Variants in UTP20 observed in about 807,000 individuals in gnomAD.
UTP20 encodes the protein small subunit processome component 20 homolog.
In UTP20, 164 loss-of-function variants were observed where a neutral mutation model predicts 329.5. The observed-to-expected ratio is 0.50, with a 90% CI of 0.44 to 0.57. The LOEUF (loss-of-function observed/expected upper bound fraction) is 0.57. Ranked by LOEUF, UTP20 falls within the 20% of genes least tolerant of loss-of-function variation. The pLI is 0.00. For missense variants in UTP20, 3,055 were observed against 3,284.2 expected (o/e 0.93, Z 1.71); for synonymous variants, 1,151 against 1,159.3 (o/e 0.99, Z 0.14).
At chr12:101,287,119 T>C (rs1871985560) in intron 5 of UTP20, among the ~76,000 whole-genome samples, 1 of 152,228 alleles carries the variant, frequency 6.6e-6, no homozygotes, top group African/African-American at 2.4e-5. Context: ...GTTGTTTTCA[T>C]GTTCTATAAT....
At chr12:101,321,016 A>T in intron 24 of UTP20, 79 bp downstream of exon 24, 1 of 1,304,474 alleles carries the variant, frequency 7.7e-7, no homozygotes, top group Non-Finnish European at 1.0e-6. Context: ...CTTCTAGAAT[A>T]ATTTATTAAA....
intron 8 of UTP20, chr12:101,291,454 C>G: frequency 5.4e-6 from 1 of 184,430 alleles, no homozygotes; most frequent in Non-Finnish European, 1.1e-5. Context: ...GCAGGAGAAT[C>G]GCTTGAACCT....
At chr12:101,340,692 G>A (rs1349059219) in intron 32 of UTP20, 82 bp downstream of exon 32, 16 of 861,378 alleles carry the variant, frequency 1.9e-5, no homozygotes, top group Non-Finnish European at 1.9e-6. Flanking sequence ...AATTTTACTG[G>A]CTAGATTTTG....
chr12:101,384,281 C>T (rs941781738), intron 60 of UTP20, among the ~76,000 whole-genome samples: 1 of 152,194 alleles, frequency 6.6e-6, no homozygotes, highest in African/African-American at 2.4e-5. Context: ...GTGGCTCACG[C>T]CTGTAATCCC....
rs1365783804 is a variant in UTP20 at position 101,383,772 on chromosome 12, A to ATTTAT, written c.8056+107_8056+111dup. 3 of 663,416 alleles carry ATTTAT rather than the reference A, an allele frequency of 4.5e-6. No homozygotes were observed. The African/African-American group carries it at 5.8e-5, about 13-fold the overall frequency. 41.1% of individuals were successfully genotyped at this position (663,416 alleles called of 1,614,324 possible). A position where few individuals can be genotyped will look rare whatever the true frequency, so the allele number is the denominator to read the frequency against. On this transcript the variant is annotated intron_variant, in intron 60 of 61. Transcript: ENST00000261637. ...TTTCTGTCCTCCCTCCCTGCCTGAG[A>ATTTAT]TTTATTTTTATTTATATATATATTT... is the stretch of plus-strand genomic sequence containing the variant.
intron 60 of UTP20, among the ~76,000 whole-genome samples, 172 bp downstream of exon 60, chr12:101,383,841 TAC>T (rs375117313): frequency 2.9e-4 from 35 of 121,104 alleles, no homozygotes; most frequent in South Asian, 1.2e-3. Flanking sequence ...TTTATATATA[TAC>T]ACACACACAC....
chr12:101,362,077 C>A lies in UTP20; in HGVS notation c.5790+17C>A. The stretch of plus-strand genomic sequence containing the variant: ...ATGATTGAGGTAAGACTTACAGAAA[C>A]GAATTCTAATTTTTTTTTAAGTGGG... On this transcript the variant is annotated intron_variant, in intron 44 of 61. Transcript: ENST00000261637. 6.3e-7 allele frequency: 1 copy of A among 1,591,454 alleles called. No individual in the cohort carries two copies. Among genetic ancestry groups the A allele is most frequent in the South Asian group, 1.1e-5 (1 of 88,454 alleles).
At chr12:101,358,095 A>G (rs867334516) in intron 43 of UTP20, among the ~76,000 whole-genome samples, 1 of 152,328 alleles carries the variant, frequency 6.6e-6, no homozygotes, top group African/African-American at 2.4e-5. Flanking sequence ...TACTTTGTAC[A>G]TCCTAGTTTG....
chr12:101,315,123 G>A (rs2137255416), intron 21 of UTP20, among the ~76,000 whole-genome samples: 1 of 152,076 alleles, frequency 6.6e-6, no homozygotes, highest in South Asian at 2.1e-4. Context: ...ACTTAACTGT[G>A]TGTGTATGTG....
chr12:101,376,670 A>C (rs1870483409), intron 56 of UTP20, among the ~76,000 whole-genome samples: 1 of 152,038 alleles, frequency 6.6e-6, no homozygotes, highest in Admixed American at 6.6e-5. Context: ...GTTTTGAGAC[A>C]GTGTCTCGCT....
chr12:101,309,303 T>C (rs1158514708), intron 18 of UTP20, among the ~76,000 whole-genome samples: 2 of 152,224 alleles, frequency 1.3e-5, no homozygotes, highest in African/African-American at 4.8e-5. Context: ...ATGTTAGTAA[T>C]AATGACCCTT....
Position 101,324,076 on chromosome 12 carries a change from G to T in UTP20, c.3041+2447G>T, listed in dbSNP as rs149310695. On this transcript the variant is annotated intron_variant, in intron 25 of 61. Transcript: ENST00000261637. Reference sequence around the variant, plus strand: ...CACTTGAACCCGGGAGGTGGAGGTTGCAGTGAGCTGAGATCGCGCCACTGT... The same window carrying T: ...CACTTGAACCCGGGAGGTGGAGGTTTCAGTGAGCTGAGATCGCGCCACTGT... Among the ~76,000 whole-genome samples the T allele has an allele frequency of 9.7e-3, 1,473 of 152,072 alleles. 21 individuals carry two copies. The highest frequency in any genetic ancestry group is 0.08 in the East Asian group (408 of 5,132).
intron 8 of UTP20, 134 bp downstream of exon 8, chr12:101,291,022 A>G: frequency 2.1e-6 from 2 of 940,124 alleles, no homozygotes; most frequent in Non-Finnish European, 2.9e-6. Flanking sequence ...ACACATATTA[A>G]AATTTTCCTT....
In UTP20 at chr12:101,321,629, G is replaced by C. The variant is rs1282040426; in HGVS notation, c.3041G>C (p.Arg1014Thr). 1.2e-6 allele frequency: 2 copies of C among 1,612,578 alleles called. No homozygotes were observed. Among genetic ancestry groups the C allele is most frequent in the Non-Finnish European group, 8.5e-7 (1 of 1,179,298 alleles). ...GCAGATCTATTTCCTATTCTGATGA[G>C]GTATTTATGCTGTTCAAACACTGAT... ...HRADLFPILM[R>T]ILYGRMKNKT... Residue 1014 changes from arginine (R) to threonine (T), a missense_variant and splice_region_variant, in exon 25 of 62, where the codon AGA becomes ACA. Transcript: ENST00000261637.
chr12:101,384,849 G>A (rs2121073532), intron 60 of UTP20, among the ~76,000 whole-genome samples: 1 of 152,278 alleles, frequency 6.6e-6, no homozygotes, highest in South Asian at 2.1e-4. Context: ...TGAGGCTGCT[G>A]ACAAAAGCAG....
intron 11 of UTP20, 110 bp downstream of exon 11, chr12:101,293,355 A>C: frequency 1.1e-6 from 1 of 923,326 alleles, no homozygotes; most frequent in Non-Finnish European, 1.7e-6. Flanking sequence ...GAACAGGATA[A>C]GTGCTTGATG....
At position 101,385,983 on chromosome 12, in the gene UTP20, G is replaced by C; in HGVS notation, c.8218G>C (p.Asp2740His). ...TCTTTTCCAGTTTGTAACTAATCCT[G>C]ATATTGCTGCCAAGAAAAAAATGAA... is the stretch of plus-strand genomic sequence containing the variant. The part of the protein sequence containing the change: ...RKALEFVTNP[D>H]IAAKKKMKKH... Residue 2740 changes from aspartate (D) to histidine (H), a missense_variant, in exon 62 of 62, where the codon GAT (aspartate) becomes CAT (histidine). Coordinates refer to ENST00000261637, the MANE Select transcript of UTP20 (RefSeq NM_014503.3). The C allele has an allele frequency of 6.3e-7, 1 of 1,590,374 alleles. No individual in the cohort carries two copies. The highest frequency in any genetic ancestry group is 8.6e-7 in the Non-Finnish European group (1 of 1,167,344).
At chr12:101,338,411 A>G (rs1869007862) in intron 30 of UTP20, 134 bp downstream of exon 30, 1 of 794,908 alleles carries the variant, frequency 1.3e-6, no homozygotes, top group South Asian at 1.8e-5. Flanking sequence ...CTGGGAACTA[A>G]TACTAATTTA....
At chr12:101,375,037 T>A in intron 55 of UTP20, 98 bp downstream of exon 55, 8 of 791,702 alleles carry the variant, frequency 1.0e-5, no homozygotes, top group Non-Finnish European at 1.6e-5. Flanking sequence ...GTTAAATATT[T>A]ATATTTATAG....
Sources: allele counts gnomAD v4.1 joint callset (sites outside exome capture counted in the v4.1 genomes callset), GRCh38; gene constraint gnomAD v4.1.1; transcripts MANE v1.5; gene names NCBI Gene and HGNC (gene_info 2026-07-23, HGNC 2026-07-21).